Variants in SMYD3 observed in about 807,000 individuals in gnomAD.
SMYD3 encodes histone-lysine N-methyltransferase SMYD3.
SMYD3 carries 36 observed loss-of-function variants against 57.7 expected under a neutral mutation model. The observed-to-expected ratio is 0.62, with a 90% CI of 0.48 to 0.82. SMYD3 has a LOEUF of 0.82. SMYD3 is among the 40% of genes least tolerant of loss of function. The pLI is 0.00. For missense variants in SMYD3, 515 were observed against 538.8 expected (o/e 0.96, Z 0.44); for synonymous variants, 211 against 195.0 (o/e 1.08, Z -0.68).
At chr1:246,456,516 C>T (rs1572516276) in intron 1 of SMYD3, among the ~76,000 whole-genome samples, 1 of 152,212 alleles carries the variant, frequency 6.6e-6, no homozygotes, top group Non-Finnish European at 1.5e-5. Flanking sequence ...CATCCACCAA[C>T]ACCAAGCTAA....
At chr1:245,911,458 C>G (rs1354964198) in intron 8 of SMYD3, among the ~76,000 whole-genome samples, 1 of 150,864 alleles carries the variant, frequency 6.6e-6, no homozygotes, top group Admixed American at 6.6e-5. Context: ...AGGCAGGGGT[C>G]GACCTAAATG....
At chr1:246,256,381 A>G (rs1008647632) in intron 5 of SMYD3, among the ~76,000 whole-genome samples, 1 of 152,182 alleles carries the variant, frequency 6.6e-6, no homozygotes, top group African/African-American at 2.4e-5. Flanking sequence ...GTATCCTTCA[A>G]TCCAATCAAG....
chr1:246,488,329 C>G (rs993950282), intron 1 of SMYD3, among the ~76,000 whole-genome samples: 2 of 152,112 alleles, frequency 1.3e-5, no homozygotes, highest in Admixed American at 6.6e-5. Flanking sequence ...GAAATTCAGT[C>G]AAAAAGCAAA....
At chr1:246,418,059 G>C (rs1350311622) in intron 1 of SMYD3, among the ~76,000 whole-genome samples, 4 of 152,144 alleles carry the variant, frequency 2.6e-5, no homozygotes, top group Admixed American at 1.3e-4. Flanking sequence ...TATACTGTGT[G>C]GCCCCTGTGC....
intron 8 of SMYD3, among the ~76,000 whole-genome samples, chr1:245,871,632 C>T (rs1213039849): frequency 6.6e-6 from 1 of 152,190 alleles, no homozygotes; most frequent in African/African-American, 2.4e-5. Flanking sequence ...GGCTTGGAGC[C>T]ATAAGATGTG....
intron 5 of SMYD3, among the ~76,000 whole-genome samples, chr1:246,255,980 AG>A (rs2063883854): frequency 4.4e-5 from 6 of 135,108 alleles, no homozygotes; most frequent in African/African-American, 1.6e-4. Context: ...ATAGATAGAT[AG>A]ATAGATACAC....
chr1:246,032,826 G>A (rs938072328), intron 5 of SMYD3, among the ~76,000 whole-genome samples: 5 of 152,190 alleles, frequency 3.3e-5, no homozygotes, highest in Non-Finnish European at 7.3e-5. Flanking sequence ...CACTGGAAAA[G>A]ATGTAGATTT....
At chr1:246,156,872 AT>A (rs1327401449) in intron 5 of SMYD3, among the ~76,000 whole-genome samples, 3 of 152,212 alleles carry the variant, frequency 2.0e-5, no homozygotes, top group Non-Finnish European at 1.5e-5. Flanking sequence ...AACAAACCGT[AT>A]TTAGTGATTT....
At chr1:246,009,351 T>G (rs1204816268) in intron 5 of SMYD3, among the ~76,000 whole-genome samples, 1 of 152,244 alleles carries the variant, frequency 6.6e-6, no homozygotes, top group Admixed American at 6.5e-5. Flanking sequence ...CACCACCTAC[T>G]CTTATCTACA....
intron 5 of SMYD3, among the ~76,000 whole-genome samples, chr1:246,144,205 C>G (rs1432731782): frequency 6.6e-6 from 1 of 152,196 alleles, no homozygotes; most frequent in Admixed American, 6.5e-5. Context: ...GTCCCTGGCA[C>G]TCTTCAGGGC....
intron 1 of SMYD3, among the ~76,000 whole-genome samples, chr1:246,448,153 G>A (rs1276671493): frequency 6.6e-6 from 1 of 152,168 alleles, no homozygotes; most frequent in Non-Finnish European, 1.5e-5. Context: ...GAAGGCAGAG[G>A]CGGCATTGAG....
chr1:246,403,849 T>C (rs895124092), intron 1 of SMYD3, among the ~76,000 whole-genome samples: 1 of 152,270 alleles, frequency 6.6e-6, no homozygotes, highest in East Asian at 1.9e-4. Flanking sequence ...ACAAGAAATA[T>C]ATATCCGTGT....
intron 8 of SMYD3, among the ~76,000 whole-genome samples, chr1:245,904,170 T>C (rs2054389832): frequency 6.6e-6 from 1 of 152,006 alleles, no homozygotes; most frequent in East Asian, 1.9e-4. Flanking sequence ...TGGTGGGAGG[T>C]GATTGGATCA....
chr1:246,282,627 T>C (rs2064477924), intron 5 of SMYD3, among the ~76,000 whole-genome samples: 1 of 152,150 alleles, frequency 6.6e-6, no homozygotes, highest in Non-Finnish European at 1.5e-5. Context: ...TCTTGGTACT[T>C]CAGACAGATG....
chr1:245,765,857 C>T (rs527801012), intron 10 of SMYD3, among the ~76,000 whole-genome samples: 1 of 152,118 alleles, frequency 6.6e-6, no homozygotes, highest in Non-Finnish European at 1.5e-5. Context: ...GCTTTTCATC[C>T]ATGAACCCAG....
chr1:246,031,996 G>A (rs760984782), intron 5 of SMYD3, among the ~76,000 whole-genome samples: 1 of 152,026 alleles, frequency 6.6e-6, no homozygotes, highest in Admixed American at 6.6e-5. Flanking sequence ...ACGTTGAAAC[G>A]ACCCTTACAC....
chr1:246,342,638 A>C (rs1420148774), intron 2 of SMYD3, among the ~76,000 whole-genome samples: 1 of 152,210 alleles, frequency 6.6e-6, no homozygotes, highest in Non-Finnish European at 1.5e-5. Context: ...TTAAAAGCTT[A>C]CTGAATGCTG....
intron 1 of SMYD3, among the ~76,000 whole-genome samples, chr1:246,405,696 C>G (rs938963844): frequency 6.6e-6 from 1 of 151,966 alleles, no homozygotes; most frequent in Non-Finnish European, 1.5e-5. Flanking sequence ...ATCACGAGGT[C>G]AGGAGATCGA....
intron 11 of SMYD3, among the ~76,000 whole-genome samples, chr1:245,756,096 T>C (rs541246983): frequency 2.0e-5 from 3 of 148,486 alleles, no homozygotes; most frequent in East Asian, 3.9e-4. Flanking sequence ...TTATTATTTA[T>C]ATATATTTTA....
Sources: gnomAD v4.1 joint callset for allele counts (sites outside exome capture counted in the v4.1 genomes callset) on GRCh38, gnomAD v4.1.1 for gene constraint, MANE v1.5 for transcripts, NCBI Gene and HGNC (gene_info 2026-07-23, HGNC 2026-07-21) for gene names.